Variants in CNTNAP5 observed in about 807,000 individuals in gnomAD.
CNTNAP5 encodes contactin-associated protein-like 5.
CNTNAP5 carries 72 observed loss-of-function variants against 150.2 expected under a neutral mutation model. That is an observed-to-expected ratio of 0.48 (90% CI 0.40 to 0.58). The LOEUF (loss-of-function observed/expected upper bound fraction) is 0.58, where lower values mean the gene tolerates loss of function less well. Among genes scored for constraint, CNTNAP5 ranks in the 20% least tolerant of loss-of-function variants. The pLI, the probability that CNTNAP5 is intolerant of heterozygous loss-of-function variation, is 0.00. For missense variants in CNTNAP5, 1,636 were observed against 1,626.2 expected (o/e 1.01, Z -0.10); for synonymous variants, 672 against 619.8 (o/e 1.08, Z -1.25).
chr2:124,641,138 A>C (rs915967422), intron 12 of CNTNAP5, among the ~76,000 whole-genome samples: 1 of 151,620 alleles, frequency 6.6e-6, no homozygotes, highest in Non-Finnish European at 1.5e-5. Context: ...AAAAAAAAAA[A>C]AAAAAAAAAA....
intron 3 of CNTNAP5, among the ~76,000 whole-genome samples, chr2:124,253,724 G>A (rs567548012): frequency 6.6e-6 from 1 of 152,118 alleles, no homozygotes; most frequent in South Asian, 2.1e-4. Flanking sequence ...GTGGTTGGTG[G>A]ACTGGATACT....
In CNTNAP5 at chr2:124,764,347, C is replaced by T. The variant is rs183215110; in HGVS notation, c.2533+200C>T. ...CTGTCAGTATTTAATCAGTCATTCTCTTATCAAAACATGGATATTCCGAAA... is the reference window on the plus strand; with the variant it reads ...CTGTCAGTATTTAATCAGTCATTCTTTTATCAAAACATGGATATTCCGAAA... On this transcript the variant is annotated intron_variant, in intron 16 of 23. Coordinates refer to ENST00000682447, the MANE Select transcript of CNTNAP5 (RefSeq NM_001367498.1). Among the ~76,000 whole-genome samples the T allele has an allele frequency of 4.4e-4, 67 of 152,186 alleles. No individual in the cohort carries two copies. The Middle Eastern group carries it at 0.014, about 31-fold the overall frequency.
At chr2:124,656,448 AG>A (rs1262766399) in intron 13 of CNTNAP5, among the ~76,000 whole-genome samples, 1 of 152,228 alleles carries the variant, frequency 6.6e-6, no homozygotes, top group African/African-American at 2.4e-5. Context: ...GAATCAAGCC[AG>A]TGCAATTTAC....
At chr2:124,052,456 T>A (rs1681724924) in intron 1 of CNTNAP5, among the ~76,000 whole-genome samples, 1 of 152,210 alleles carries the variant, frequency 6.6e-6, no homozygotes, top group Non-Finnish European at 1.5e-5. Context: ...GTTTACGTTA[T>A]TCCCTCTCAA....
intron 3 of CNTNAP5, among the ~76,000 whole-genome samples, chr2:124,308,029 G>C (rs1202739697): frequency 3.9e-5 from 6 of 152,182 alleles, no homozygotes; most frequent in African/African-American, 1.4e-4. Context: ...GGTTCAGGGT[G>C]TGGGGAGAGA....
intron 1 of CNTNAP5, among the ~76,000 whole-genome samples, chr2:124,129,957 T>C (rs1317522645): frequency 1.3e-5 from 2 of 152,104 alleles, no homozygotes; most frequent in Non-Finnish European, 2.9e-5. Flanking sequence ...TCATGGTAAA[T>C]TACATGCACA....
chr2:124,902,772 CAATAACAAGGT>C (rs1678439597), intron 21 of CNTNAP5, 99 bp from the exon 22 acceptor site: 4 of 697,940 alleles, frequency 5.7e-6, no homozygotes, highest in Non-Finnish European at 9.3e-6. Context: ...TTTACTCAAA[CAATAACAAGGT>C]AATTTCTGTA....
chr2:124,845,429 G>C (rs78368797), intron 19 of CNTNAP5, among the ~76,000 whole-genome samples: 11,900 of 147,648 alleles, frequency 0.081, 1,550 homozygotes, highest in African/African-American at 0.28. Context: ...GGGGATATTG[G>C]TCTGTAGTAT....
intron 1 of CNTNAP5, among the ~76,000 whole-genome samples, chr2:124,072,679 C>T (rs1257069949): frequency 6.6e-6 from 1 of 151,554 alleles, no homozygotes; most frequent in African/African-American, 2.4e-5. Context: ...AAAATCTCTA[C>T]AATGAATATT....
At chr2:124,760,851 T>G (rs546617610) in intron 14 of CNTNAP5, among the ~76,000 whole-genome samples, 1 of 152,270 alleles carries the variant, frequency 6.6e-6, no homozygotes, top group East Asian at 1.9e-4. Flanking sequence ...TTGTATGCAT[T>G]ATTCCCTTTG....
chr2:124,756,168 G>A (rs1319278180), intron 14 of CNTNAP5, among the ~76,000 whole-genome samples: 1 of 152,140 alleles, frequency 6.6e-6, no homozygotes, highest in Non-Finnish European at 1.5e-5. Context: ...TTAAATGGAT[G>A]TCTAAGAAAA....
At chr2:124,450,592 A>G (rs1574002704) in intron 6 of CNTNAP5, among the ~76,000 whole-genome samples, 1 of 149,242 alleles carries the variant, frequency 6.7e-6, no homozygotes, top group East Asian at 2.0e-4. Context: ...GGCAGAATGT[A>G]GATCCTTTAC....
intron 1 of CNTNAP5, among the ~76,000 whole-genome samples, chr2:124,129,323 C>A (rs1384747517): frequency 1.3e-5 from 2 of 152,148 alleles, no homozygotes; most frequent in Non-Finnish European, 2.9e-5. Context: ...AAAGACAGTT[C>A]TCTAAAGCCA....
At chr2:124,355,700 C>A (rs1558864637) in intron 3 of CNTNAP5, among the ~76,000 whole-genome samples, 1 of 152,112 alleles carries the variant, frequency 6.6e-6, no homozygotes, top group East Asian at 1.9e-4. Flanking sequence ...AAAAAGCCTG[C>A]AACATTGTGT....
chr2:124,269,495 G>A (rs1273335097), intron 3 of CNTNAP5, among the ~76,000 whole-genome samples: 1 of 152,150 alleles, frequency 6.6e-6, no homozygotes, highest in African/African-American at 2.4e-5. Flanking sequence ...TGCTTCCAGT[G>A]AGCGACAGGA....
chr2:124,097,674 G>T (rs757757304), intron 1 of CNTNAP5, among the ~76,000 whole-genome samples: 6 of 152,210 alleles, frequency 3.9e-5, no homozygotes, highest in Non-Finnish European at 7.4e-5. Context: ...ACATTCAGTT[G>T]ACCCTTGGAC....
intron 1 of CNTNAP5, among the ~76,000 whole-genome samples, chr2:124,187,197 T>C (rs1362933205): frequency 6.6e-6 from 1 of 152,238 alleles, no homozygotes; most frequent in East Asian, 1.9e-4. Context: ...GAGATGGATA[T>C]GCATTACTAG....
At chr2:124,294,974 C>T (rs756841365) in intron 3 of CNTNAP5, among the ~76,000 whole-genome samples, 4 of 151,932 alleles carry the variant, frequency 2.6e-5, no homozygotes, top group South Asian at 4.2e-4. Context: ...GGTGTGGTGG[C>T]GGGATTACAG....
intron 12 of CNTNAP5, among the ~76,000 whole-genome samples, chr2:124,613,131 T>C (rs1573497049): frequency 6.6e-6 from 1 of 152,298 alleles, no homozygotes; most frequent in African/African-American, 2.4e-5. Context: ...CATATTTAAA[T>C]GGAAAACAAT....
Sources: gnomAD v4.1 joint callset for allele counts (sites outside exome capture counted in the v4.1 genomes callset) on GRCh38, gnomAD v4.1.1 for gene constraint, MANE v1.5 for transcripts, NCBI Gene and HGNC (gene_info 2026-07-23, HGNC 2026-07-21) for gene names.